The following NMNAT1 variants were observed in gnomAD, a reference collection of about 807,000 sequenced individuals.
The protein encoded by NMNAT1 is nicotinamide nucleotide adenylyltransferase 1, also known as nicotinamide/nicotinic acid mononucleotide adenylyltransferase 1.
NMNAT1 carries 11 observed loss-of-function variants against 16.7 expected under a neutral mutation model. The observed-to-expected ratio is 0.66, with a 90% CI of 0.41 to 1.09. NMNAT1 has a LOEUF of 1.09. NMNAT1 is among the 50% of genes least tolerant of loss of function. The pLI is 0.00. For missense variants in NMNAT1, 280 were observed against 332.3 expected (o/e 0.84, Z 1.22); for synonymous variants, 110 against 119.8 (o/e 0.92, Z 0.53).
At chr1:9,989,373 A>T (rs959009260), downstream of NMNAT1, among the ~76,000 whole-genome samples, 1 of 151,950 alleles carries the variant, frequency 6.6e-6, no homozygotes, top group African/African-American at 2.4e-5. Flanking sequence ...CACGAGAATC[A>T]CTTCAACCCA....
the NMNAT1 span, among the ~76,000 whole-genome samples, chr1:9,992,794 C>T: frequency 6.6e-6 from 1 of 152,020 alleles, no homozygotes; most frequent in Non-Finnish European, 1.5e-5. Flanking sequence ...TGCCTGTAGT[C>T]CCAGCTACTC....
chr1:9,983,331 G>GGT lies in NMNAT1; in HGVS notation c.*631_*632insTG, dbSNP rs1331717307. The GGT allele has an allele frequency of 1.3e-5, 2 of 150,646 alleles. No individual in the cohort carries two copies. Among genetic ancestry groups the GGT allele is most frequent in the Non-Finnish European group, 2.9e-5 (2 of 67,804 alleles). The allele number at this position is 150,646 out of a possible 1,614,324, so 9.3% of individuals were successfully genotyped here. The stretch of plus-strand genomic sequence containing the variant: ...GGTTGTGCCACTGCACTCCAGCCTG[G>GGT]GCAAAAAAGCAAAACTCCATCTCAA... On this transcript the variant is annotated 3_prime_UTR_variant, in exon 5 of 5. Transcript: ENST00000377205.
intron 1 of NMNAT1, among the ~76,000 whole-genome samples, chr1:9,948,492 G>A (rs1334738202): frequency 6.6e-6 from 1 of 151,962 alleles, no homozygotes; most frequent in Non-Finnish European, 1.5e-5. Flanking sequence ...GAGGTGGGAG[G>A]ATGGCTTGAG....
At chr1:9,987,613 C>A (rs1269212741), downstream of NMNAT1, among the ~76,000 whole-genome samples, 1 of 151,938 alleles carries the variant, frequency 6.6e-6, no homozygotes, top group Non-Finnish European at 1.5e-5. Context: ...GCACTACAGC[C>A]TGGGTGACAG....
chr1:9,963,569 C>T (rs1641474407), intron 1 of NMNAT1, among the ~76,000 whole-genome samples: 1 of 151,966 alleles, frequency 6.6e-6, no homozygotes, highest in African/African-American at 2.4e-5. Flanking sequence ...ACCACCACGC[C>T]CAGCGAATTT....
chr1:9,976,088 A>T (rs1570709563), intron 3 of NMNAT1, among the ~76,000 whole-genome samples: 1 of 152,074 alleles, frequency 6.6e-6, no homozygotes, highest in Non-Finnish European at 1.5e-5. Context: ...GGAGTTCGAG[A>T]CCAGCCTGGC....
At position 9,957,592 on chromosome 1, in the gene NMNAT1, T is replaced by A. The variant is rs1325276162; in HGVS notation, c.-57+14077T>A. Among the ~76,000 whole-genome samples the A allele has an allele frequency of 2.0e-5, 3 of 152,190 alleles. No individual in the cohort carries two copies. In the East Asian group the frequency reaches 5.8e-4, roughly 29 times the overall value. On this transcript the variant is annotated intron_variant, in intron 1 of 4. Transcript: ENST00000377205. Reference sequence around the variant, plus strand: ...AGGTGTGAGCCACCGTGCCCAGCCCTTATTTACCAGTTTTTAAATTCACGT... The same window carrying A: ...AGGTGTGAGCCACCGTGCCCAGCCCATATTTACCAGTTTTTAAATTCACGT...
chr1:9,965,361 A>G (rs965539527), intron 1 of NMNAT1, among the ~76,000 whole-genome samples: 4 of 151,376 alleles, frequency 2.6e-5, no homozygotes, highest in South Asian at 2.1e-4. Flanking sequence ...TTTTTAAGAC[A>G]TTCTTTGGAT....
chr1:9,961,156 G>C lies in NMNAT1; in HGVS notation c.-56-10862G>C, dbSNP rs535524910. On this transcript the variant is annotated intron_variant, in intron 1 of 4. Transcript: ENST00000377205. The stretch of plus-strand genomic sequence containing the variant: ...CAGCTTCCTTTATGCTGAGAGATCA[G>C]CTTCCTCCAGCCCTTCCACATCCCT... Among the ~76,000 whole-genome samples, 26 of 152,260 alleles carry C rather than the reference G, an allele frequency of 1.7e-4. 2 individuals carry two copies. In the South Asian group the frequency reaches 5.4e-3, roughly 32 times the overall value.
chr1:9,949,870 T>G (rs560436597), intron 1 of NMNAT1: 2 of 152,152 alleles, frequency 1.3e-5, no homozygotes, highest in Non-Finnish European at 2.9e-5. Flanking sequence ...TTTTCCTTCC[T>G]CTTTTTCAGC....
chr1:9,988,864 T>C (rs982696187), downstream of NMNAT1, among the ~76,000 whole-genome samples: 2 of 151,828 alleles, frequency 1.3e-5, no homozygotes, highest in Non-Finnish European at 2.9e-5. Context: ...TGGGGTTTTG[T>C]CATGCTGGTC....
intron 1 of NMNAT1, among the ~76,000 whole-genome samples, chr1:9,945,980 C>A (rs1640971059): frequency 6.6e-6 from 1 of 152,138 alleles, no homozygotes; most frequent in African/African-American, 2.4e-5. Context: ...TTTCAAACTC[C>A]TGGGCTCAAG....
the NMNAT1 span, among the ~76,000 whole-genome samples, chr1:9,993,344 T>A: frequency 6.6e-6 from 1 of 151,902 alleles, no homozygotes; most frequent in Non-Finnish European, 1.5e-5. Context: ...CCGGGTGTAG[T>A]GGCATGCGCT....
chr1:9,961,013 T>C (rs1473360196), intron 1 of NMNAT1, among the ~76,000 whole-genome samples: 1 of 152,182 alleles, frequency 6.6e-6, no homozygotes, highest in Non-Finnish European at 1.5e-5. Flanking sequence ...TAACCTTAAC[T>C]CTTGTGTGGC....
At chr1:9,986,713 C>T (rs1345546264), downstream of NMNAT1, among the ~76,000 whole-genome samples, 1 of 152,164 alleles carries the variant, frequency 6.6e-6, no homozygotes, top group Non-Finnish European at 1.5e-5. Context: ...AAAACCCTGT[C>T]TCTACCAAAA....
intron 1 of NMNAT1, among the ~76,000 whole-genome samples, chr1:9,945,441 C>T (rs889309891): frequency 6.6e-6 from 1 of 152,124 alleles, no homozygotes; most frequent in Admixed American, 6.6e-5. Context: ...TGGCTCACAC[C>T]TGTAATCCCA....
At chr1:9,972,378 C>T (rs1205473139) in intron 2 of NMNAT1, 190 bp downstream of exon 2, 4 of 436,802 alleles carry the variant, frequency 9.2e-6, no homozygotes, top group Non-Finnish European at 1.7e-5. Flanking sequence ...TGCCTGTAGT[C>T]CTAGCTACTC....
At chr1:9,974,532 G>A (rs1156294303) in intron 2 of NMNAT1, among the ~76,000 whole-genome samples, 2 of 152,006 alleles carry the variant, frequency 1.3e-5, no homozygotes, top group Non-Finnish European at 1.5e-5. Context: ...GGGATTACAG[G>A]TGCCCGCCAC....
Position 9,969,513 on chromosome 1 carries a change from C to T in NMNAT1, c.-56-2505C>T, listed in dbSNP as rs367728771. Among the ~76,000 whole-genome samples the T allele has an allele frequency of 4.5e-4, 68 of 152,106 alleles. No individual in the cohort carries two copies. The South Asian group carries it at 0.012, about 26-fold the overall frequency. ...CAGGCCAGGCACAGTGGTTCATGGG[C>T]GGCTGAGGTGGGTGGATCACTTGAG... On this transcript the variant is annotated intron_variant, in intron 1 of 4. Coordinates refer to ENST00000377205, the MANE Select transcript of NMNAT1 (RefSeq NM_022787.4).
Sources: allele counts gnomAD v4.1 joint callset (sites outside exome capture counted in the v4.1 genomes callset), GRCh38; gene constraint gnomAD v4.1.1; transcripts MANE v1.5; gene names NCBI Gene and HGNC (gene_info 2026-07-23, HGNC 2026-07-21).